PXDNL: variants seen among roughly 807,000 people sequenced by gnomAD.
PXDNL encodes peroxidasin like.
A neutral mutation model predicts 150.8 loss-of-function variants in PXDNL; 145 were observed. The ratio of observed to expected loss-of-function variants is 0.96; its 90% confidence interval spans 0.84 to 1.10. The LOEUF is 1.10. Ranked by LOEUF, PXDNL falls within the 50% of genes least tolerant of loss-of-function variation. The pLI, the probability that PXDNL is intolerant of heterozygous loss-of-function variation, is 0.00. For synonymous variants in PXDNL, 757 were observed against 725.7 expected (o/e 1.04, Z -0.69); for missense variants, 2,087 against 1,873.9 (o/e 1.11, Z -2.10).
Position 51,453,294 on chromosome 8 carries a change from T to C in PXDNL, c.1249+225A>G, listed in dbSNP as rs1809850396. Among the ~76,000 whole-genome samples the C allele has an allele frequency of 2.0e-5, 3 of 152,226 alleles. No homozygotes were observed. In the South Asian group the frequency reaches 6.2e-4, roughly 32 times the overall value. On this transcript the variant is annotated intron_variant, in intron 10 of 22. Coordinates refer to ENST00000356297, the MANE Select transcript of PXDNL (RefSeq NM_144651.5). ...TCCAGATTAATGACTCCATCTCTTT[T>C]GTTGCTAATGGTTGAGTCTGACCTT... is the stretch of plus-strand genomic sequence containing the variant.
At chr8:51,377,602 A>G (rs991310400) in intron 17 of PXDNL, among the ~76,000 whole-genome samples, 3 of 152,220 alleles carry the variant, frequency 2.0e-5, no homozygotes, top group Non-Finnish European at 4.4e-5. Context: ...CAGCTGGCAC[A>G]CACTGAGAGC....
chr8:51,640,523 A>G (rs548741998), intron 2 of PXDNL, among the ~76,000 whole-genome samples: 98 of 152,348 alleles, frequency 6.4e-4, no homozygotes, highest in African/African-American at 2.1e-3. Context: ...ATACAAAATC[A>G]ATGTACAAAA....
At chr8:51,516,212 T>A (rs1811532280) in intron 4 of PXDNL, among the ~76,000 whole-genome samples, 1 of 152,180 alleles carries the variant, frequency 6.6e-6, no homozygotes, top group Non-Finnish European at 1.5e-5. Flanking sequence ...ATAATTTAAA[T>A]CAAAGAAACA....
chr8:51,667,229 T>C (rs1207763830), intron 1 of PXDNL, among the ~76,000 whole-genome samples: 1 of 152,186 alleles, frequency 6.6e-6, no homozygotes, highest in African/African-American at 2.4e-5. Context: ...TTGGCTACTA[T>C]TCTGTAAGTG....
intron 1 of PXDNL, among the ~76,000 whole-genome samples, chr8:51,704,707 A>ACCAAC (rs1361878547): frequency 2.6e-5 from 4 of 152,164 alleles, no homozygotes; most frequent in Non-Finnish European, 5.9e-5. Context: ...TGCTGTTGCA[A>ACCAAC]CCAACTTGCA....
chr8:51,630,933 T>C, intron 2 of PXDNL, among the ~76,000 whole-genome samples: 1 of 152,178 alleles, frequency 6.6e-6, no homozygotes, highest in East Asian at 1.9e-4. Flanking sequence ...TTGTTGGGTA[T>C]ATACCCAAAG....
intron 17 of PXDNL, among the ~76,000 whole-genome samples, chr8:51,406,077 T>C (rs555693838): frequency 1.3e-4 from 20 of 152,316 alleles, no homozygotes; most frequent in African/African-American, 4.8e-4. Flanking sequence ...TGGCCGACAG[T>C]GGAGGCTAAC....
intron 4 of PXDNL, among the ~76,000 whole-genome samples, chr8:51,541,183 G>A (rs780667291): frequency 1.1e-4 from 17 of 151,366 alleles, no homozygotes; most frequent in African/African-American, 1.9e-4. Context: ...ACTTGAACCC[G>A]GGAGGCAGAG....
rs113230759 is a variant in PXDNL at position 51,669,728 on chromosome 8, T to G, written c.165-14968A>C. Among the ~76,000 whole-genome samples, 153 of 152,276 alleles carry G rather than the reference T, an allele frequency of 1.0e-3. 1 individual carries two copies. The highest frequency in any genetic ancestry group is 3.4e-3 in the African/African-American group (143 of 41,556). ...GCAAAATGTCCATGCTGGGCAGAATTAAATTTAGCTGAGCTTCCCTGACCG... is the reference window on the plus strand; with the variant it reads ...GCAAAATGTCCATGCTGGGCAGAATGAAATTTAGCTGAGCTTCCCTGACCG... On this transcript the variant is annotated intron_variant, in intron 1 of 22. Coordinates refer to ENST00000356297, the MANE Select transcript of PXDNL (RefSeq NM_144651.5).
chr8:51,809,110 G>T, intron 1 of PXDNL, 71 bp downstream of exon 1: 1 of 1,517,756 alleles, frequency 6.6e-7, no homozygotes, highest in South Asian at 1.2e-5. Flanking sequence ...AAATTAAAAG[G>T]ACACAGGTCC....
intron 4 of PXDNL, among the ~76,000 whole-genome samples, chr8:51,546,136 T>C (rs1812357566): frequency 6.6e-6 from 1 of 152,184 alleles, no homozygotes; most frequent in Non-Finnish European, 1.5e-5. Flanking sequence ...TTATAGCAGC[T>C]GCTTGCTGCT....
At chr8:51,523,119 C>A (rs79904444) in intron 4 of PXDNL, among the ~76,000 whole-genome samples, 1 of 151,916 alleles carries the variant, frequency 6.6e-6, no homozygotes, top group African/African-American at 2.4e-5. Flanking sequence ...AAGTATCCTG[C>A]GGTTTAAGAA....
intron 1 of PXDNL, among the ~76,000 whole-genome samples, chr8:51,732,311 C>G (rs536868274): frequency 1.3e-5 from 2 of 152,240 alleles, no homozygotes; most frequent in African/African-American, 4.8e-5. Flanking sequence ...TTTGCTAAAA[C>G]ATAGCAACGG....
intron 5 of PXDNL, among the ~76,000 whole-genome samples, chr8:51,485,169 G>T (rs1810701002): frequency 6.6e-6 from 1 of 152,106 alleles, no homozygotes; most frequent in Non-Finnish European, 1.5e-5. Flanking sequence ...GTTAAGGTCA[G>T]GGGGAGTGAG....
At chr8:51,340,931 T>C (rs1420126367) in intron 20 of PXDNL, among the ~76,000 whole-genome samples, 1 of 152,230 alleles carries the variant, frequency 6.6e-6, no homozygotes, top group Non-Finnish European at 1.5e-5. Context: ...TAATCAAAGG[T>C]ATTTAATCCT....
chr8:51,710,670 C>T (rs933802422), intron 1 of PXDNL, among the ~76,000 whole-genome samples: 1 of 152,120 alleles, frequency 6.6e-6, no homozygotes, highest in South Asian at 2.1e-4. Context: ...TTTAGATCCC[C>T]CATAGGAGTG....
chr8:51,328,180 G>A (rs1805576617), intron 21 of PXDNL, among the ~76,000 whole-genome samples: 1 of 152,222 alleles, frequency 6.6e-6, no homozygotes, highest in Non-Finnish European at 1.5e-5. Context: ...ACCATCAGCT[G>A]TCCTGGGTCT....
chr8:51,327,358 G>A (rs76216644), intron 21 of PXDNL, among the ~76,000 whole-genome samples: 4,793 of 152,284 alleles, frequency 0.031, 238 homozygotes, highest in African/African-American at 0.11. Context: ...ATCTTCTTCA[G>A]TGATGGCCCT....
At chr8:51,638,211 G>C (rs530786201) in intron 2 of PXDNL, among the ~76,000 whole-genome samples, 1 of 152,118 alleles carries the variant, frequency 6.6e-6, no homozygotes, top group Non-Finnish European at 1.5e-5. Context: ...CACTAAACAT[G>C]GAAAGGAACA....
Sources: allele counts gnomAD v4.1 joint callset (sites outside exome capture counted in the v4.1 genomes callset), GRCh38; gene constraint gnomAD v4.1.1; transcripts MANE v1.5; gene names NCBI Gene and HGNC (gene_info 2026-07-23, HGNC 2026-07-21).